Variants in MINAR2 observed in about 807,000 individuals in gnomAD.
MINAR2 encodes the protein major intrinsically disordered NOTCH2-binding receptor 1-like.
Under a neutral mutation model 16.1 loss-of-function variants are expected in MINAR2, and 21 were observed. That is an observed-to-expected ratio of 1.31 (90% CI 0.93 to 1.88). The LOEUF (loss-of-function observed/expected upper bound fraction) is 1.88. Among genes scored for constraint, MINAR2 ranks in the 40% most tolerant of loss-of-function variants. The pLI is 0.00. For synonymous variants in MINAR2, 86 were observed against 83.0 expected, an observed-to-expected ratio of 1.04 and a Z score of -0.20; for missense variants, 259 against 229.8, an observed-to-expected ratio of 1.13 and a Z score of -0.82.
Position 129,765,286 on chromosome 5 carries a change from G to A in MINAR2, c.*223G>A, listed in dbSNP as rs1021911495. Reference sequence around the variant, plus strand: ...AAAAGCTTTCTAAGAGTGCCACCCTGAACTTTGGGAAGCAGGAATTCTGAG... The same window carrying A: ...AAAAGCTTTCTAAGAGTGCCACCCTAAACTTTGGGAAGCAGGAATTCTGAG... On this transcript the variant is annotated 3_prime_UTR_variant, in exon 3 of 3. Coordinates refer to ENST00000564719, the MANE Select transcript of MINAR2 (RefSeq NM_001257308.2). 5.9e-5 allele frequency: 22 copies of A among 370,572 alleles called. No individual in the cohort carries two copies. Among genetic ancestry groups the A allele is most frequent in the Admixed American group, 9.1e-5 (2 of 21,880 alleles). 23.0% of individuals were successfully genotyped at this position (370,572 alleles called of 1,614,324 possible). A position where few individuals can be genotyped will look rare whatever the true frequency, so the allele number is the denominator to read the frequency against.
chr5:129,760,811 C>T (rs1758125850), intron 2 of MINAR2, among the ~76,000 whole-genome samples: 2 of 152,144 alleles, frequency 1.3e-5, no homozygotes, highest in South Asian at 4.1e-4. Context: ...TCAACAGTTA[C>T]TGGCAACTGT....
At position 129,765,046 on chromosome 5, in the gene MINAR2, AT is replaced by A; in HGVS notation, c.558del (p.Thr187LeufsTer25). 1 of 1,299,170 alleles carries A rather than the reference AT, an allele frequency of 7.7e-7. No homozygotes were observed. Among genetic ancestry groups the A allele is most frequent in the Non-Finnish European group, 9.8e-7 (1 of 1,020,778 alleles). The allele number at this position is 1,299,170 out of a possible 1,614,324, so 80.5% of individuals were successfully genotyped here. On this transcript the variant is annotated frameshift_variant, in exon 3 of 3. Coordinates refer to ENST00000564719, the MANE Select transcript of MINAR2 (RefSeq NM_001257308.2). LOFTEE classifies it high-confidence loss of function. Reference protein sequence around the residue: ...ISILVTIVTIITFFT With the variant: ...ISILVTIVTIXTFFT ...CATCTTGGTTACCATAGTGACTATC[AT>A]TACTTTTTTCACCTGAGGAAACTGC... is the stretch of plus-strand genomic sequence containing the variant.
chr5:129,749,451 G>A (rs140162838), intron 1 of MINAR2, among the ~76,000 whole-genome samples: 22 of 152,184 alleles, frequency 1.4e-4, no homozygotes, highest in African/African-American at 4.6e-4. Flanking sequence ...TCCATTGTAA[G>A]GCAGCCTATT....
At chr5:129,759,063 T>C (rs558918045) in intron 1 of MINAR2, among the ~76,000 whole-genome samples, 2 of 152,156 alleles carry the variant, frequency 1.3e-5, no homozygotes, top group East Asian at 3.9e-4. Context: ...GATGATTTTT[T>C]TTCCTGCTAG....
rs1554114112 is a variant in MINAR2, at chr5:129,766,645, A to AAAC, written c.*1584_*1585insCAA. 9.5e-4 allele frequency: 133 copies of AAAC among 140,350 alleles called. 4 individuals carry two copies. The East Asian group carries it at 0.026, about 28-fold the overall frequency. 8.7% of individuals were successfully genotyped at this position (140,350 alleles called of 1,614,324 possible). On this transcript the variant is annotated 3_prime_UTR_variant, in exon 3 of 3. Transcript: ENST00000564719. ...GAGTGAGACTTCCATAAAAAAAAAA[A>AAAC]AAAAAAAAAAACAAACAAACAAACA...
chr5:129,759,810 TA>T (rs1758104940), intron 1 of MINAR2, among the ~76,000 whole-genome samples: 1 of 127,040 alleles, frequency 7.9e-6, no homozygotes, highest in Admixed American at 8.6e-5. Context: ...TGAAAATCAG[TA>T]TTAGAGCTAT....
chr5:129,752,325 A>T (rs1423892183), intron 1 of MINAR2, among the ~76,000 whole-genome samples: 1 of 152,200 alleles, frequency 6.6e-6, no homozygotes, highest in Non-Finnish European at 1.5e-5. Context: ...ACCAACCCAA[A>T]TGTCCATCAA....
chr5:129,762,423 A>C, intron 2 of MINAR2: 1 of 219,070 alleles, frequency 4.6e-6, no homozygotes. Flanking sequence ...GTAAAAGTAT[A>C]AAATTTGTTC....
chr5:129,762,516 T>C (rs1758150488), intron 2 of MINAR2: 1 of 303,034 alleles, frequency 3.3e-6, no homozygotes, highest in Non-Finnish European at 6.7e-6. Flanking sequence ...CCTATGATAC[T>C]CTTCATTCTC....
intron 2 of MINAR2, among the ~76,000 whole-genome samples, chr5:129,763,790 T>C (rs1436890528): frequency 2.0e-5 from 3 of 152,212 alleles, no homozygotes; most frequent in Non-Finnish European, 4.4e-5. Flanking sequence ...AATACATGCA[T>C]GCACATTCCT....
chr5:129,757,251 G>A (rs1758067359), intron 1 of MINAR2, among the ~76,000 whole-genome samples: 1 of 151,790 alleles, frequency 6.6e-6, no homozygotes, highest in South Asian at 2.1e-4. Context: ...CATAAAACAT[G>A]TGGCCCCAAT....
chr5:129,765,520 G>T lies in MINAR2; in HGVS notation c.*457G>T, dbSNP rs1390461811. 1.3e-5 allele frequency: 2 copies of T among 152,526 alleles called. No homozygotes were observed. Among genetic ancestry groups the T allele is most frequent in the East Asian group, 3.9e-4 (2 of 5,186 alleles). 9.4% of individuals were successfully genotyped at this position (152,526 alleles called of 1,614,324 possible). A position where few individuals can be genotyped will look rare whatever the true frequency, so the allele number is the denominator to read the frequency against. On this transcript the variant is annotated 3_prime_UTR_variant, in exon 3 of 3. Transcript: ENST00000564719. ...TAATTTTTTTTTTAACCAACTGCTG[G>T]GTAGCTAGGATAAAAATCTTCCAGT...
chr5:129,759,057 A>AT (rs575138122), intron 1 of MINAR2, among the ~76,000 whole-genome samples: 232 of 151,954 alleles, frequency 1.5e-3, no homozygotes, highest in African/African-American at 5.4e-3. Flanking sequence ...TATCTAGATG[A>AT]TTTTTTTTCC....
rs1292023014 is a variant in MINAR2 at position 129,765,718 on chromosome 5, G to A, written c.*655G>A. ...ATTTTAATAGAATTAAACTTGGATA[G>A]GCCATAGTTACATAATTAATTACAT... On this transcript the variant is annotated 3_prime_UTR_variant, in exon 3 of 3. Transcript: ENST00000564719. 2.0e-5 allele frequency: 3 copies of A among 152,078 alleles called. No homozygotes were observed. Among genetic ancestry groups the A allele is most frequent in the Non-Finnish European group, 4.4e-5 (3 of 68,026 alleles). 9.4% of individuals were successfully genotyped at this position (152,078 alleles called of 1,614,324 possible). A position where few individuals can be genotyped will look rare whatever the true frequency, so the allele number is the denominator to read the frequency against.
chr5:129,753,908 G>C (rs1009347440), intron 1 of MINAR2, among the ~76,000 whole-genome samples: 1 of 152,102 alleles, frequency 6.6e-6, no homozygotes, highest in Non-Finnish European at 1.5e-5. Flanking sequence ...GCTTATATTG[G>C]ATGACAATGT....
chr5:129,748,468 G>T (rs1299060050), intron 1 of MINAR2, 113 bp downstream of exon 1: 8 of 1,065,488 alleles, frequency 7.5e-6, no homozygotes, highest in Non-Finnish European at 3.9e-6. Context: ...CAAGGTAGCT[G>T]CTCTGTCTTC....
At position 129,765,174 on chromosome 5, in the gene MINAR2, T is replaced by C; in HGVS notation, c.*111T>C. 1 of 518,942 alleles carries C rather than the reference T, an allele frequency of 1.9e-6. No individual in the cohort carries two copies. The highest frequency in any genetic ancestry group is 3.0e-6 in the Non-Finnish European group (1 of 332,878). 32.1% of individuals were successfully genotyped at this position (518,942 alleles called of 1,614,324 possible). A position where few individuals can be genotyped will look rare whatever the true frequency, so the allele number is the denominator to read the frequency against. On this transcript the variant is annotated 3_prime_UTR_variant, in exon 3 of 3. Coordinates refer to ENST00000564719, the MANE Select transcript of MINAR2 (RefSeq NM_001257308.2). ...AAAACACATGTACATGCAGTGTGAATGGATTGTTGATTGTATTATTAAATG... is the reference window on the plus strand; with the variant it reads ...AAAACACATGTACATGCAGTGTGAACGGATTGTTGATTGTATTATTAAATG...
chr5:129,755,606 G>T (rs1366880382), intron 1 of MINAR2, among the ~76,000 whole-genome samples: 1 of 151,922 alleles, frequency 6.6e-6, no homozygotes. Context: ...AATGTTTTAA[G>T]TCGCTCAGAT....
chr5:129,753,757 G>C (rs1254321091), intron 1 of MINAR2, among the ~76,000 whole-genome samples: 1 of 150,768 alleles, frequency 6.6e-6, no homozygotes, highest in Non-Finnish European at 1.5e-5. Context: ...CGTTGAAAGA[G>C]AGAGAGAGAG....
Sources: gnomAD v4.1 joint callset for allele counts (sites outside exome capture counted in the v4.1 genomes callset) on GRCh38, gnomAD v4.1.1 for gene constraint, MANE v1.5 for transcripts, NCBI Gene and HGNC (gene_info 2026-07-23, HGNC 2026-07-21) for gene names.